ERBB4: variants seen among roughly 807,000 people sequenced by gnomAD.
The protein encoded by ERBB4 is erb-b2 receptor tyrosine kinase 4.
In ERBB4, 42 loss-of-function variants were observed where a neutral mutation model predicts 158.0. The observed-to-expected ratio is 0.27, with a 90% confidence interval of 0.21 to 0.34. The LOEUF (loss-of-function observed/expected upper bound fraction) is 0.34. ERBB4 is among the 10% of genes least tolerant of loss of function. The probability of loss-of-function intolerance (pLI) is 1.00; values close to 1 mark genes in which losing one functional copy is unlikely to be tolerated. For synonymous variants in ERBB4, 583 were observed against 558.7 expected (o/e 1.04, Z -0.61); for missense variants, 1,333 against 1,624.1 (o/e 0.82, Z 3.08).
intron 19 of ERBB4, among the ~76,000 whole-genome samples, chr2:211,598,445 A>G (rs549050015): frequency 6.6e-6 from 1 of 152,322 alleles, no homozygotes; most frequent in South Asian, 2.1e-4. Context: ...ATTCATTACA[A>G]TAAGAACATG....
At chr2:211,386,214 C>T (rs2062682084) in intron 27 of ERBB4, among the ~76,000 whole-genome samples, 1 of 152,026 alleles carries the variant, frequency 6.6e-6, no homozygotes, top group Non-Finnish European at 1.5e-5. Flanking sequence ...GATTTGGGTG[C>T]TTAACATTTC....
At chr2:212,464,571 T>C (rs767641591) in intron 1 of ERBB4, among the ~76,000 whole-genome samples, 1 of 152,128 alleles carries the variant, frequency 6.6e-6, no homozygotes, top group Non-Finnish European at 1.5e-5. Context: ...TCACATTTCA[T>C]GGATCGTAGT....
chr2:212,134,760 T>G (rs1230700382), intron 1 of ERBB4, among the ~76,000 whole-genome samples: 1 of 142,646 alleles, frequency 7.0e-6, no homozygotes, highest in East Asian at 2.2e-4. Context: ...CTCGGCTCAC[T>G]GCAAGCTCTG....
chr2:212,438,672 TTAATGA>T (rs1429918268), intron 1 of ERBB4, among the ~76,000 whole-genome samples: 2 of 152,160 alleles, frequency 1.3e-5, no homozygotes, highest in Non-Finnish European at 2.9e-5. Flanking sequence ...TATCAAACTG[TTAATGA>T]TAATATAAAC....
At chr2:212,248,908 T>C (rs1175025074) in intron 1 of ERBB4, among the ~76,000 whole-genome samples, 1 of 152,154 alleles carries the variant, frequency 6.6e-6, no homozygotes. Flanking sequence ...ATTAAATACA[T>C]TTCTATTTTC....
chr2:211,842,254 G>GT (rs146340452), intron 3 of ERBB4, among the ~76,000 whole-genome samples: 32,113 of 150,388 alleles, frequency 0.21, 3,466 homozygotes, highest in South Asian at 0.32. Flanking sequence ...AAGGCTGTTG[G>GT]GTTTTTTTTT....
intron 3 of ERBB4, among the ~76,000 whole-genome samples, chr2:211,824,046 G>C (rs1450310257): frequency 1.3e-5 from 2 of 152,032 alleles, no homozygotes; most frequent in Non-Finnish European, 2.9e-5. Context: ...GTCCAGGCTT[G>C]GGCATGGAGT....
At chr2:212,437,826 G>A (rs531302331) in intron 1 of ERBB4, among the ~76,000 whole-genome samples, 14 of 151,946 alleles carry the variant, frequency 9.2e-5, no homozygotes, top group Admixed American at 7.9e-4. Context: ...CCTCTAATTA[G>A]AATACCTCAT....
chr2:212,226,715 T>A (rs1323358635), intron 1 of ERBB4, among the ~76,000 whole-genome samples: 1 of 152,160 alleles, frequency 6.6e-6, no homozygotes. Context: ...TTGCTTTTTT[T>A]AATCTGTCTT....
intron 3 of ERBB4, among the ~76,000 whole-genome samples, chr2:211,803,692 A>G (rs2076550488): frequency 6.6e-6 from 1 of 152,250 alleles, no homozygotes; most frequent in African/African-American, 2.4e-5. Context: ...TATGCAAAGC[A>G]CGTCTGTAGA....
chr2:212,344,618 G>GTT (rs35635456), intron 1 of ERBB4, among the ~76,000 whole-genome samples: 7 of 152,102 alleles, frequency 4.6e-5, no homozygotes, highest in East Asian at 3.9e-4. Flanking sequence ...AAAGAAAAAT[G>GTT]TTTTTTCTTT....
At chr2:211,560,942 T>C (rs1247831846) in intron 20 of ERBB4, among the ~76,000 whole-genome samples, 1 of 152,234 alleles carries the variant, frequency 6.6e-6, no homozygotes, top group African/African-American at 2.4e-5. Flanking sequence ...GTTATTATTT[T>C]GGCATTTATA....
chr2:211,476,536 T>A (rs969553209), intron 20 of ERBB4, among the ~76,000 whole-genome samples: 1 of 150,486 alleles, frequency 6.6e-6, no homozygotes, highest in Non-Finnish European at 1.5e-5. Flanking sequence ...GAATCTAAGT[T>A]TCTCTTTAAG....
intron 19 of ERBB4, among the ~76,000 whole-genome samples, chr2:211,612,464 A>G (rs1257220281): frequency 6.6e-6 from 1 of 151,956 alleles, no homozygotes; most frequent in Non-Finnish European, 1.5e-5. Flanking sequence ...GTAAGTTATA[A>G]CTTTAGAAAT....
intron 2 of ERBB4, among the ~76,000 whole-genome samples, chr2:212,008,298 C>T (rs1037060595): frequency 4.6e-5 from 7 of 152,008 alleles, no homozygotes; most frequent in Non-Finnish European, 7.4e-5. Context: ...ACGACACAGT[C>T]GAGATTTATT....
At chr2:211,709,294 T>TACATATATATATAC (rs1559443305) in intron 9 of ERBB4, among the ~76,000 whole-genome samples, 10 of 139,754 alleles carry the variant, frequency 7.2e-5, no homozygotes, top group African/African-American at 2.9e-4. Flanking sequence ...TATATATACA[T>TACATATATATATAC]ATATATATAT....
chr2:211,591,013 G>A (rs752351496), intron 19 of ERBB4, among the ~76,000 whole-genome samples: 1 of 152,158 alleles, frequency 6.6e-6, no homozygotes, highest in Non-Finnish European at 1.5e-5. Context: ...CAACATAACT[G>A]ACTACACTTT....
chr2:211,743,794 A>G (rs1017984804), intron 5 of ERBB4, among the ~76,000 whole-genome samples: 1 of 152,190 alleles, frequency 6.6e-6, no homozygotes, highest in African/African-American at 2.4e-5. Flanking sequence ...TGCAGCCACC[A>G]TTTAACTGAG....
intron 20 of ERBB4, among the ~76,000 whole-genome samples, chr2:211,445,095 T>C (rs2064078312): frequency 6.6e-6 from 1 of 152,162 alleles, no homozygotes; most frequent in Admixed American, 6.6e-5. Context: ...TAATTGTCAA[T>C]GGCTAAAAGC....
Sources: allele counts gnomAD v4.1 joint callset (sites outside exome capture counted in the v4.1 genomes callset), GRCh38; gene constraint gnomAD v4.1.1; transcripts MANE v1.5; gene names NCBI Gene and HGNC (gene_info 2026-07-23, HGNC 2026-07-21).